SELPLG: variants seen among roughly 807,000 people sequenced by gnomAD.
SELPLG encodes the protein P-selectin glycoprotein ligand 1.
Under a neutral mutation model 1.1 loss-of-function variants are expected in SELPLG, and 2 were observed. The observed-to-expected ratio is 1.82, with a 90% CI of 0.74 to 5.71. The LOEUF (loss-of-function observed/expected upper bound fraction) is 5.71. Ranked by LOEUF, SELPLG falls within the 30% of genes most tolerant of loss-of-function variation. The pLI is 0.05. For missense variants in SELPLG, 478 were observed against 524.7 expected (o/e 0.91, Z 0.87); for synonymous variants, 230 against 221.2 (o/e 1.04, Z -0.35).
intron 1 of SELPLG, chr12:108,632,046 G>T: frequency 1.1e-6 from 1 of 873,740 alleles, no homozygotes; most frequent in Non-Finnish European, 1.8e-6. Flanking sequence ...TGTAAAAGGG[G>T]CACTGTCCAC....
rs1207682430 is a variant in SELPLG at position 108,621,952 on chromosome 12, G to A, written c.*1117C>T. 6.6e-6 allele frequency among the ~76,000 whole-genome samples: 1 copy of A among 152,138 alleles called. No homozygotes were observed. Among genetic ancestry groups the A allele is most frequent in the Non-Finnish European group, 1.5e-5 (1 of 68,024 alleles). ...ATGTTTAGAGGGATATTGGTCCGAGGTTTGGGGGGGACCAAACTCTGTGGG... is the reference window on the plus strand; with the variant it reads ...ATGTTTAGAGGGATATTGGTCCGAGATTTGGGGGGGACCAAACTCTGTGGG... On this transcript the variant is annotated 3_prime_UTR_variant, in exon 2 of 2. Transcript: ENST00000550948.
intron 1 of SELPLG, among the ~76,000 whole-genome samples, chr12:108,631,663 C>T (rs1020803395): frequency 6.6e-6 from 1 of 152,064 alleles, no homozygotes; most frequent in African/African-American, 2.4e-5. Flanking sequence ...CCCTACCCTC[C>T]ACCCCACCAA....
chr12:108,625,529 C>G (rs1221066283), intron 1 of SELPLG, among the ~76,000 whole-genome samples: 1 of 152,200 alleles, frequency 6.6e-6, no homozygotes, highest in East Asian at 1.9e-4. Flanking sequence ...GGGCCCAGGG[C>G]TACTTAATTA....
At chr12:108,631,867 T>A (rs1325434478) in intron 1 of SELPLG, 1 of 1,534,800 alleles carries the variant, frequency 6.5e-7, no homozygotes, top group Non-Finnish European at 8.7e-7. Context: ...ACCAGCCATC[T>A]TATCTCCTTC....
At chr12:108,625,474 T>C (rs1168497313) in intron 1 of SELPLG, among the ~76,000 whole-genome samples, 1 of 152,228 alleles carries the variant, frequency 6.6e-6, no homozygotes, top group Non-Finnish European at 1.5e-5. Flanking sequence ...CCGCAAAGAC[T>C]GGCTGATTTA....
In SELPLG at chr12:108,624,042, C is replaced by G; in HGVS notation, c.266G>C (p.Arg89Pro). 5 of 1,614,258 alleles carry G rather than the reference C, an allele frequency of 3.1e-6. No homozygotes were observed. Among genetic ancestry groups the G allele is most frequent in the Non-Finnish European group, 4.2e-6 (5 of 1,180,050 alleles). ...CCCTCCTGCATCCAGGCCAGTAGAACGCCTTGCAGCAGGCTCCACAGTGGT... is the reference window on the plus strand; with the variant it reads ...CCCTCCTGCATCCAGGCCAGTAGAAGGCCTTGCAGCAGGCTCCACAGTGGT... Reference protein sequence around the residue: ...ESTTVEPAARRSTGLDAGGAV... With the variant: ...ESTTVEPAARPSTGLDAGGAV... The change falls in exon 2 of 2, where the codon CGT becomes CCT. Residue 89 changes from arginine to proline, a missense_variant. Transcript: ENST00000550948.
chr12:108,621,939 A>T lies in SELPLG; in HGVS notation c.*1130T>A, dbSNP rs146994584. Reference sequence around the variant, plus strand: ...GGAGGATAGATTGATGTTTAGAGGGATATTGGTCCGAGGTTTGGGGGGGAC... The same window carrying T: ...GGAGGATAGATTGATGTTTAGAGGGTTATTGGTCCGAGGTTTGGGGGGGAC... On this transcript the variant is annotated 3_prime_UTR_variant, in exon 2 of 2. Coordinates refer to ENST00000550948, the MANE Select transcript of SELPLG (RefSeq NM_003006.4). Among the ~76,000 whole-genome samples the T allele has an allele frequency of 6.5e-3, 982 of 151,884 alleles. 12 individuals carry two copies. The highest frequency in any genetic ancestry group is 0.022 in the African/African-American group (892 of 41,388).
chr12:108,632,295 C>T (rs2032072475), intron 1 of SELPLG, among the ~76,000 whole-genome samples: 1 of 151,948 alleles, frequency 6.6e-6, no homozygotes, highest in Admixed American at 6.6e-5. Context: ...CTCTGGGGGC[C>T]TCAAAGTCAG....
Position 108,623,589 on chromosome 12 carries a change from T to C in SELPLG, c.719A>G (p.Glu240Gly). Residue 240 changes from glutamate to glycine, a missense_variant, in exon 2 of 2, where the codon GAG becomes GGG. By Grantham distance (98) the Glu-to-Gly change is moderately conservative. Transcript: ENST00000550948. Reference protein sequence around the residue: ...EAQTTAPEATEAQTTQPTATE... With the variant: ...EAQTTAPEATGAQTTQPTATE... The stretch of plus-strand genomic sequence containing the variant: ...GGCTGTGGGTTGAGTGGTCTGTGCC[T>C]CCGTGGCTTCTGGTGCAGTGGTCTG... 6.2e-7 allele frequency: 1 copy of C among 1,612,938 alleles called. No homozygotes were observed. Among genetic ancestry groups the C allele is most frequent in the Non-Finnish European group, 8.5e-7 (1 of 1,179,648 alleles).
At chr12:108,630,113 G>A (rs570639107) in intron 1 of SELPLG, among the ~76,000 whole-genome samples, 16 of 152,326 alleles carry the variant, frequency 1.1e-4, no homozygotes, top group East Asian at 5.8e-4. Flanking sequence ...GCAGGGCTCC[G>A]ACAGAGGCGT....
In SELPLG at chr12:108,624,263, G is replaced by T. The variant is rs751154043; in HGVS notation, c.45C>A (p.Gly15=). The change falls in exon 2 of 2, where the codon GGC becomes GGA. Residue 15 remains glycine, a synonymous_variant. Transcript: ENST00000550948. ...LLLLLILLGP[G]NSLQLWDTWA... Reference sequence around the variant, plus strand: ...AGGTGTCCCACAGCTGCAAGCTGTTGCCAGGGCCCAGTAGGATCAGCAACA... The same window carrying T: ...AGGTGTCCCACAGCTGCAAGCTGTTTCCAGGGCCCAGTAGGATCAGCAACA... The T allele has an allele frequency of 1.1e-5, 17 of 1,614,180 alleles. No individual in the cohort carries two copies. The highest frequency in any genetic ancestry group is 3.3e-5 in the Admixed American group (2 of 60,020).
At chr12:108,624,412 T>C (rs1032206879) in intron 1 of SELPLG, 100 bp from the exon 2 acceptor site, 2 of 1,141,350 alleles carry the variant, frequency 1.8e-6, no homozygotes, top group East Asian at 2.5e-5. Context: ...GCTGGAAGCA[T>C]GTCTGGTCTG....
rs551327355 is a variant in SELPLG, at chr12:108,632,374, A to G, written c.-6+1366T>C. Among the ~76,000 whole-genome samples, 4 of 144,764 alleles carry G rather than the reference A, an allele frequency of 2.8e-5. No homozygotes were observed. In the East Asian group the frequency reaches 6.0e-4, roughly 22 times the overall value. 95.0% of individuals were successfully genotyped at this position (144,764 alleles called of 152,430 possible). A position where few individuals can be genotyped will look rare whatever the true frequency, so the allele number is the denominator to read the frequency against. The stretch of plus-strand genomic sequence containing the variant: ...AGAATTCCAGGCAACAGAAGCCCAG[A>G]TATCGACAATATGGGGTGTGTGTGT... On this transcript the variant is annotated intron_variant, in intron 1 of 1. Coordinates refer to ENST00000550948, the MANE Select transcript of SELPLG (RefSeq NM_003006.4).
Position 108,623,541 on chromosome 12 carries a change from A to C in SELPLG, c.767T>G (p.Leu256Arg), listed in dbSNP as rs575759905. 1.9e-6 allele frequency: 3 copies of C among 1,614,080 alleles called. No individual in the cohort carries two copies. The highest frequency in any genetic ancestry group is 2.5e-6 in the Non-Finnish European group (3 of 1,179,992). ...PTATEAQTTPLAAMEALSTEP... is the reference protein window; with the variant it reads ...PTATEAQTTPRAAMEALSTEP... ...TGTGGACAGGGCCTCCATGGCTGCC[A>C]GTGGAGTGGTCTGTGCCTCCGTGGC... Residue 256 changes from leucine to arginine, a missense_variant, in exon 2 of 2, where the codon CTG (leucine) becomes CGG (arginine). Physicochemically the swap from Leu to Arg is moderately radical, Grantham distance 102. Coordinates refer to ENST00000550948, the MANE Select transcript of SELPLG (RefSeq NM_003006.4).
Position 108,623,321 on chromosome 12 carries a change from C to T in SELPLG, c.987G>A (p.Leu329=). The part of the protein sequence containing the change: ...QCLLAILILA[L]VATIFFVCTV... ...TGCACACGAAGAAGATAGTGGCCAC[C>T]AGCGCCAAGATTAGGATGGCCAGCA... The change falls in exon 2 of 2, where the codon CTG becomes CTA. Residue 329 remains leucine (L), a synonymous_variant. Transcript: ENST00000550948. The T allele has an allele frequency of 6.2e-7, 1 of 1,614,222 alleles. No homozygotes were observed. Among genetic ancestry groups the T allele is most frequent in the Admixed American group, 1.7e-5 (1 of 60,028 alleles).
In SELPLG at chr12:108,624,166, AC is replaced by A; in HGVS notation, c.141del (p.Glu47AspfsTer3). ...TCTGGCAGGAAATCATAATCTAGGT[AC>A]TCATATTCGGTGGCCTGTCTCCGGT... ...ARDRRQATEYEYLDYDFLPET... is the reference protein window; with the variant it reads ...ARDRRQATEYXYLDYDFLPET... On this transcript the variant is annotated frameshift_variant, in exon 2 of 2. Transcript: ENST00000550948. LOFTEE classifies it low-confidence loss of function (END_TRUNC). 1.2e-6 allele frequency: 2 copies of A among 1,613,930 alleles called. No individual in the cohort carries two copies. The highest frequency in any genetic ancestry group is 1.7e-6 in the Non-Finnish European group (2 of 1,179,966).
intron 1 of SELPLG, among the ~76,000 whole-genome samples, chr12:108,633,071 A>C (rs7313704): frequency 0.023 from 3,507 of 151,686 alleles, 148 homozygotes; most frequent in African/African-American, 0.08. Context: ...AAATCCCTTC[A>C]CCTCTCCCGA....
intron 1 of SELPLG, among the ~76,000 whole-genome samples, chr12:108,632,283 G>A (rs1159834050): frequency 6.6e-6 from 1 of 152,158 alleles, no homozygotes; most frequent in Non-Finnish European, 1.5e-5. Flanking sequence ...TGAGGGGCCT[G>A]GCTCTGGGGG....
At chr12:108,626,779 G>T (rs2031944114) in intron 1 of SELPLG, among the ~76,000 whole-genome samples, 1 of 152,098 alleles carries the variant, frequency 6.6e-6, no homozygotes, top group Non-Finnish European at 1.5e-5. Context: ...GAGATTATAG[G>T]CATGAGCCAC....
Sources: gnomAD v4.1 joint callset for allele counts (sites outside exome capture counted in the v4.1 genomes callset) on GRCh38, gnomAD v4.1.1 for gene constraint, MANE v1.5 for transcripts, NCBI Gene and HGNC (gene_info 2026-07-23, HGNC 2026-07-21) for gene names.